Variants in GSAP observed in about 807,000 individuals in gnomAD.
GSAP encodes the protein gamma-secretase activating protein.
In GSAP, 118 loss-of-function variants were observed where a neutral mutation model predicts 131.7. The ratio of observed to expected loss-of-function variants is 0.90; its 90% confidence interval spans 0.77 to 1.04. The LOEUF (loss-of-function observed/expected upper bound fraction) is 1.04. Ranked by LOEUF, GSAP falls within the 50% of genes least tolerant of loss-of-function variation. The pLI, the probability that GSAP is intolerant of heterozygous loss-of-function variation, is 0.00. For synonymous variants in GSAP, 381 were observed against 363.4 expected, an observed-to-expected ratio of 1.05 and a Z score of -0.55; for missense variants, 1,019 against 1,013.2, an observed-to-expected ratio of 1.01 and a Z score of -0.08.
At chr7:77,322,582 GTTTT>G (rs61272117) in intron 24 of GSAP, among the ~76,000 whole-genome samples, 1 of 125,164 alleles carries the variant, frequency 8.0e-6, no homozygotes. Flanking sequence ...TGTGTTGTGA[GTTTT>G]TTTTTTTTTT....
intron 3 of GSAP, 44 bp downstream of exon 3, chr7:77,404,513 ACT>A: frequency 1.1e-6 from 1 of 928,578 alleles, no homozygotes. Flanking sequence ...GACAAAGAAA[ACT>A]CTAAAGGCAG....
Position 77,321,344 on chromosome 7 carries a change from C to A in GSAP, c.1983G>T (p.Trp661Cys), listed in dbSNP as rs371306831. 2 of 1,594,522 alleles carry A rather than the reference C, an allele frequency of 1.3e-6. No individual in the cohort carries two copies. Among genetic ancestry groups the A allele is most frequent in the African/African-American group, 2.7e-5 (2 of 74,474 alleles). The change falls in exon 25 of 31, where the codon TGG (tryptophan) becomes TGT (cysteine). Residue 661 changes from tryptophan to cysteine, a missense_variant. By Grantham distance (215) the Trp-to-Cys change is radical. Transcript: ENST00000257626. ...TNWRKHNLHS[W>C]VLHFNSRGSA... ...AAATACTTGCGTACAAGTGGAGAAC[C>A]CAGGAATGAAGATTATGTTTCCTCC...
intron 6 of GSAP, 87 bp from the exon 7 acceptor site, chr7:77,382,730 A>G (rs1429893539): frequency 7.1e-6 from 5 of 702,962 alleles, no homozygotes; most frequent in Non-Finnish European, 1.3e-5. Flanking sequence ...CTGTACTATT[A>G]CATACCATTG....
chr7:77,316,470 G>A (rs899742133), intron 26 of GSAP, among the ~76,000 whole-genome samples: 2 of 152,114 alleles, frequency 1.3e-5, no homozygotes, highest in African/African-American at 4.8e-5. Context: ...ATGTGTTAAT[G>A]GGCTAACAGG....
chr7:77,391,709 C>T (rs906165425), intron 5 of GSAP, among the ~76,000 whole-genome samples: 10 of 151,972 alleles, frequency 6.6e-5, no homozygotes, highest in Non-Finnish European at 1.5e-4. Context: ...GTGGTGTGTG[C>T]CTATAGTCCC....
chr7:77,407,980 A>G (rs542014926), intron 1 of GSAP, among the ~76,000 whole-genome samples: 33 of 152,320 alleles, frequency 2.2e-4, no homozygotes, highest in Admixed American at 4.6e-4. Flanking sequence ...CTTCCCCACC[A>G]CCAAAAGAAG....
At chr7:77,316,513 A>T (rs1050111667) in intron 26 of GSAP, among the ~76,000 whole-genome samples, 7 of 152,092 alleles carry the variant, frequency 4.6e-5, no homozygotes, top group African/African-American at 7.2e-5. Flanking sequence ...GTCCAAAAAA[A>T]CTCCACTATT....
Position 77,381,294 on chromosome 7 carries a change from C to A in GSAP, c.576+11G>T. 1 of 1,510,600 alleles carries A rather than the reference C, an allele frequency of 6.6e-7. No individual in the cohort carries two copies. The highest frequency in any genetic ancestry group is 9.0e-7 in the Non-Finnish European group (1 of 1,112,348). 93.6% of individuals were successfully genotyped at this position (1,510,600 alleles called of 1,614,324 possible). A position where few individuals can be genotyped will look rare whatever the true frequency, so the allele number is the denominator to read the frequency against. ...AAAACCTATGAAGCGAAAAGAATTT[C>A]AAATCTTTACCACTCTATTTCCATC... On this transcript the variant is annotated intron_variant, in intron 8 of 30. Coordinates refer to ENST00000257626, the MANE Select transcript of GSAP (RefSeq NM_017439.4).
At position 77,321,497 on chromosome 7, in the gene GSAP, G is replaced by A. The variant is rs977060855; in HGVS notation, c.1924-94C>T. On this transcript the variant is annotated intron_variant, in intron 24 of 30. Coordinates refer to ENST00000257626, the MANE Select transcript of GSAP (RefSeq NM_017439.4). ...CCACAACTCAGATAAGCATTTCAGG[G>A]CAGCTGGCATTCAGGCTGCATCCAG... 2.8e-5 allele frequency: 22 copies of A among 795,264 alleles called. No homozygotes were observed. In the Admixed American group the frequency reaches 3.7e-4, roughly 13 times the overall value. 49.3% of individuals were successfully genotyped at this position (795,264 alleles called of 1,614,324 possible). A position where few individuals can be genotyped will look rare whatever the true frequency, so the allele number is the denominator to read the frequency against.
At chr7:77,328,894 G>A (rs964285109) in intron 21 of GSAP, among the ~76,000 whole-genome samples, 1 of 151,962 alleles carries the variant, frequency 6.6e-6, no homozygotes, top group African/African-American at 2.4e-5. Context: ...AAAATAATGG[G>A]GACAGAAAAT....
At chr7:77,312,674 T>C (rs1794529720) in intron 28 of GSAP, among the ~76,000 whole-genome samples, 1 of 152,202 alleles carries the variant, frequency 6.6e-6, no homozygotes, top group South Asian at 2.1e-4. Context: ...GAAAATATGC[T>C]TTGTTTTCTA....
intron 12 of GSAP, among the ~76,000 whole-genome samples, chr7:77,367,556 C>T (rs1264681350): frequency 6.6e-6 from 1 of 152,176 alleles, no homozygotes; most frequent in Non-Finnish European, 1.5e-5. Flanking sequence ...ATGAAACCTA[C>T]TTGACTGTGG....
At position 77,311,190 on chromosome 7, in the gene GSAP, T is replaced by TA; in HGVS notation, c.*167dup. The TA allele has an allele frequency of 1.7e-6, 1 of 572,932 alleles. No homozygotes were observed. The highest frequency in any genetic ancestry group is 3.1e-6 in the Non-Finnish European group (1 of 320,192). 35.5% of individuals were successfully genotyped at this position (572,932 alleles called of 1,614,324 possible). ...CTGGCTATTCAAAATTGGAATGTGATACAGCAGTTCTGTCTGAACGTGTAC... is the reference window on the plus strand; with the variant it reads ...CTGGCTATTCAAAATTGGAATGTGATAACAGCAGTTCTGTCTGAACGTGTAC... On this transcript the variant is annotated 3_prime_UTR_variant, in exon 31 of 31. Transcript: ENST00000257626.
intron 3 of GSAP, among the ~76,000 whole-genome samples, chr7:77,404,135 G>C (rs879428691): frequency 4.6e-5 from 7 of 152,206 alleles, no homozygotes; most frequent in Non-Finnish European, 8.8e-5. Context: ...CAGGGCACAA[G>C]GGCCTGCCCA....
chr7:77,362,603 G>A lies in GSAP; in HGVS notation c.929C>T (p.Ser310Leu). Residue 310 changes from serine (S) to leucine (L), a missense_variant, in exon 13 of 31, where the codon TCA becomes TTA. Transcript: ENST00000257626. ...AGTACCTTTATGAATGTAAAACACT[G>A]AATATGTGATTTGTCCCCAAGAGGC... ...KCASWGQITYSVFYIHKGHSK... is the reference protein window; with the variant it reads ...KCASWGQITYLVFYIHKGHSK... 3 of 1,566,370 alleles carry A rather than the reference G, an allele frequency of 1.9e-6. No individual in the cohort carries two copies. Among genetic ancestry groups the A allele is most frequent in the Non-Finnish European group, 2.6e-6 (3 of 1,137,554 alleles).
At chr7:77,360,257 T>C (rs1163939676) in intron 14 of GSAP, among the ~76,000 whole-genome samples, 3 of 152,196 alleles carry the variant, frequency 2.0e-5, no homozygotes, top group Non-Finnish European at 4.4e-5. Flanking sequence ...ACATCCTAAC[T>C]GGCATGGAAA....
chr7:77,342,632 C>A (rs1201687535), intron 19 of GSAP, among the ~76,000 whole-genome samples: 2 of 152,094 alleles, frequency 1.3e-5, no homozygotes, highest in African/African-American at 2.4e-5. Flanking sequence ...AATCATGCAC[C>A]CCTTACCATC....
At chr7:77,384,213 G>A (rs953719041) in intron 6 of GSAP, among the ~76,000 whole-genome samples, 1 of 152,180 alleles carries the variant, frequency 6.6e-6, no homozygotes, top group Non-Finnish European at 1.5e-5. Context: ...ATGGCCTCCC[G>A]GTCTACAGAG....
At chr7:77,352,009 AT>A (rs1387245285) in intron 18 of GSAP, among the ~76,000 whole-genome samples, 1 of 152,198 alleles carries the variant, frequency 6.6e-6, no homozygotes, top group Non-Finnish European at 1.5e-5. Context: ...TTTCCCTTAA[AT>A]TCTAAGGTGG....
Sources: gnomAD v4.1 joint callset for allele counts (sites outside exome capture counted in the v4.1 genomes callset) on GRCh38, gnomAD v4.1.1 for gene constraint, MANE v1.5 for transcripts, NCBI Gene and HGNC (gene_info 2026-07-23, HGNC 2026-07-21) for gene names.